TDRD6: variants seen among roughly 807,000 people sequenced by gnomAD.
The protein encoded by TDRD6 is tudor domain-containing protein 6.
Under a neutral mutation model 157.5 loss-of-function variants are expected in TDRD6, and 186 were observed. That is an observed-to-expected ratio of 1.18 (90% CI 1.05 to 1.33). The LOEUF is 1.33. Ranked by LOEUF, TDRD6 falls within the 40% of genes most tolerant of loss-of-function variation. The probability of loss-of-function intolerance (pLI) is 0.00; values close to 1 mark genes in which losing one functional copy is unlikely to be tolerated. For synonymous variants in TDRD6, 1,075 were observed against 945.2 expected, an observed-to-expected ratio of 1.14 and a Z score of -2.52; for missense variants, 3,066 against 2,508.0, an observed-to-expected ratio of 1.22 and a Z score of -4.75.
chr6:46,681,700 C>T, the TDRD6 span: 1 of 401,598 alleles, frequency 2.5e-6, no homozygotes. Context: ...TGCCTAATTG[C>T]TTGTTATCAC....
At chr6:46,684,365 T>TTG (rs56327636), upstream of TDRD6, among the ~76,000 whole-genome samples, 72,000 of 146,898 alleles carry the variant, frequency 0.49, 18,438 homozygotes, top group East Asian at 0.62. Flanking sequence ...AAGCACACAT[T>TTG]TGTGTGTGTG....
At chr6:46,694,391 C>T (rs1247959058) in intron 1 of TDRD6, among the ~76,000 whole-genome samples, 1 of 151,802 alleles carries the variant, frequency 6.6e-6, no homozygotes, top group Non-Finnish European at 1.5e-5. Flanking sequence ...TTTGTAGAGA[C>T]AGGGTTTGTC....
In TDRD6 at chr6:46,689,308, G is replaced by C. The variant is rs775261221; in HGVS notation, c.1180G>C (p.Gly394Arg). ...GAGAGGCTGGTCTCGGTCACAGGTC[G>C]GTGACCTGAAGACACTGATACTAGG... ...GGRGWSRSQV[G>R]DLKTLILGKA... The change falls in exon 1 of 4, where the codon GGT becomes CGT. Residue 394 changes from glycine (G) to arginine (R), a missense_variant. Coordinates refer to ENST00000316081, the MANE Select transcript of TDRD6 (RefSeq NM_001010870.3). The C allele has an allele frequency of 1.1e-5, 18 of 1,614,114 alleles. 1 individual carries two copies. The South Asian group carries it at 1.9e-4, about 17-fold the overall frequency.
chr6:46,697,195 T>C (rs1048968513), intron 2 of TDRD6, among the ~76,000 whole-genome samples: 4 of 152,184 alleles, frequency 2.6e-5, no homozygotes, highest in African/African-American at 9.7e-5. Context: ...TCTTTCGATA[T>C]ATTTAATATT....
At position 46,698,011 on chromosome 6, in the gene TDRD6, C is replaced by A; in HGVS notation, c.6185C>A (p.Ser2062Ter). Residue 2062 changes from serine (S) to a stop codon, truncating the protein, a stop_gained, in exon 3 of 4, where the codon TCA becomes TAA. Coordinates refer to ENST00000316081, the MANE Select transcript of TDRD6 (RefSeq NM_001010870.3). LOFTEE classifies it high-confidence loss of function. ...AEEGTRVLNL[S>*]NGMEEIVNPE... ...TTTCTCCTGTAGGTTTTGAACCTTT[C>A]AAATGGTATGGAGGAGATAGTGAAC... 1 of 1,595,242 alleles carries A rather than the reference C, an allele frequency of 6.3e-7. No homozygotes were observed. The highest frequency in any genetic ancestry group is 8.6e-7 in the Non-Finnish European group (1 of 1,169,024).
Position 46,688,503 on chromosome 6 carries a change from A to C in TDRD6, c.375A>C (p.Glu125Asp), listed in dbSNP as rs1213937219. 3 of 1,560,754 alleles carry C rather than the reference A, an allele frequency of 1.9e-6. No individual in the cohort carries two copies. Among genetic ancestry groups the C allele is most frequent in the East Asian group, 2.4e-5 (1 of 42,464 alleles). ...GRREFFNLPSEVLGCVLAGLV... is the reference protein window; with the variant it reads ...GRREFFNLPSDVLGCVLAGLV... ...GAGAGTTCTTCAATTTGCCCTCGGA[A>C]GTGCTGGGCTGCGTGCTAGCGGGCC... Residue 125 changes from glutamate (E) to aspartate (D), a missense_variant, in exon 1 of 4, where the codon GAA (glutamate) becomes GAC (aspartate). Glu to Asp is a conservative substitution (Grantham distance 45). Transcript: ENST00000316081.
Position 46,698,007 on chromosome 6 carries a change from C to G in TDRD6, c.6181C>G (p.Leu2061Val). The change falls in exon 3 of 4, where the codon CTT (leucine) becomes GTT (valine). Residue 2061 changes from leucine to valine, a missense_variant. Transcript: ENST00000316081. Reference sequence around the variant, plus strand: ...TTGTTTTCTCCTGTAGGTTTTGAACCTTTCAAATGGTATGGAGGAGATAGT... The same window carrying G: ...TTGTTTTCTCCTGTAGGTTTTGAACGTTTCAAATGGTATGGAGGAGATAGT... ...TAEEGTRVLN[L>V]SNGMEEIVNP... 4.4e-6 allele frequency: 7 copies of G among 1,590,804 alleles called. No homozygotes were observed. Among genetic ancestry groups the G allele is most frequent in the Non-Finnish European group, 6.0e-6 (7 of 1,166,742 alleles).
At chr6:46,680,516 C>T in the TDRD6 span, among the ~76,000 whole-genome samples, 1 of 152,130 alleles carries the variant, frequency 6.6e-6, no homozygotes, top group Non-Finnish European at 1.5e-5. Flanking sequence ...CCTTAAAGTA[C>T]AATACAGACT....
At chr6:46,700,674 A>C (rs899546943) in intron 3 of TDRD6, among the ~76,000 whole-genome samples, 2 of 152,156 alleles carry the variant, frequency 1.3e-5, no homozygotes, top group Non-Finnish European at 2.9e-5. Flanking sequence ...ACTGTGTTTG[A>C]ATAACAGCCC....
rs1176901979 is a variant in TDRD6, at chr6:46,691,641, A to G, written c.3513A>G (p.Glu1171=). The change falls in exon 1 of 4, where the codon GAA becomes GAG. Residue 1171 remains glutamate, a synonymous_variant. Transcript: ENST00000316081. ...YKDRIRKKES[E]VLCSTTETLE... ...ATAGAATAAGAAAAAAAGAAAGTGAAGTCCTCTGTTCTACAACTGAAACTC... is the reference window on the plus strand; with the variant it reads ...ATAGAATAAGAAAAAAAGAAAGTGAGGTCCTCTGTTCTACAACTGAAACTC... 5 of 1,613,160 alleles carry G rather than the reference A, an allele frequency of 3.1e-6. No individual in the cohort carries two copies. Among genetic ancestry groups the G allele is most frequent in the Middle Eastern group, 1.6e-4 (1 of 6,076 alleles).
In TDRD6 at chr6:46,693,233, G is replaced by C. The variant is rs1232193661; in HGVS notation, c.5105G>C (p.Gly1702Ala). 6.2e-7 allele frequency: 1 copy of C among 1,613,360 alleles called. No individual in the cohort carries two copies. Among genetic ancestry groups the C allele is most frequent in the Non-Finnish European group, 8.5e-7 (1 of 1,179,826 alleles). Reference protein sequence around the residue: ...NEKMEKYSKTGIKSALPYENI... With the variant: ...NEKMEKYSKTAIKSALPYENI... Reference sequence around the variant, plus strand: ...AAAATGGAGAAATATTCTAAGACTGGTATTAAAAGTGCTCTTCCCTATGAA... The same window carrying C: ...AAAATGGAGAAATATTCTAAGACTGCTATTAAAAGTGCTCTTCCCTATGAA... Residue 1702 changes from glycine (G) to alanine (A), a missense_variant, in exon 1 of 4, where the codon GGT becomes GCT. Gly to Ala is a moderately conservative substitution (Grantham distance 60, BLOSUM62 0). Transcript: ENST00000316081.
rs1764655696 is a variant in TDRD6 at position 46,702,819 on chromosome 6, GA to G, written c.*933del. The stretch of plus-strand genomic sequence containing the variant: ...GATCTGAGCTATATGCTGCTTAACA[GA>G]TATGTGACATGGGCAAATTATGTAA... On this transcript the variant is annotated 3_prime_UTR_variant, in exon 4 of 4. Transcript: ENST00000316081. 1 of 152,072 alleles carries G rather than the reference GA, an allele frequency of 6.6e-6. No homozygotes were observed. The highest frequency in any genetic ancestry group is 6.6e-5 in the Admixed American group (1 of 15,264). 9.4% of individuals were successfully genotyped at this position (152,072 alleles called of 1,614,324 possible). A position where few individuals can be genotyped will look rare whatever the true frequency, so the allele number is the denominator to read the frequency against.
intron 2 of TDRD6, among the ~76,000 whole-genome samples, chr6:46,696,643 ACTCT>A (rs1764512075): frequency 1.1e-5 from 1 of 93,036 alleles, no homozygotes; most frequent in South Asian, 4.6e-4. Flanking sequence ...ACAGGGTCTC[ACTCT>A]GTCACCCAGG....
Position 46,688,465 on chromosome 6 carries a change from G to A in TDRD6, c.337G>A (p.Ala113Thr). 1 of 1,544,534 alleles carries A rather than the reference G, an allele frequency of 6.5e-7. No homozygotes were observed. The highest frequency in any genetic ancestry group is 1.4e-5 in the African/African-American group (1 of 73,262). ...CATCACGGCCGGAGCAGGCTCGCTG[G>A]CGCCTGGGCGCAGAGAGTTCTTCAA... ...RTITAGAGSL[A>T]PGRREFFNLP... The change falls in exon 1 of 4, where the codon GCG becomes ACG. Residue 113 changes from alanine (A) to threonine (T), a missense_variant. By Grantham distance (58) the Ala-to-Thr change is moderately conservative (BLOSUM62 0). Coordinates refer to ENST00000316081, the MANE Select transcript of TDRD6 (RefSeq NM_001010870.3).
rs1037824920 is a variant in TDRD6 at position 46,696,051 on chromosome 6, T to C, written c.6171+106T>C. On this transcript the variant is annotated intron_variant, in intron 2 of 3. Transcript: ENST00000316081. The stretch of plus-strand genomic sequence containing the variant: ...GAACGCGATTGAACAAATGTTTACT[T>C]GCTTGTTCCCCCTGATAACTTGATG... 7 of 1,257,432 alleles carry C rather than the reference T, an allele frequency of 5.6e-6. No individual in the cohort carries two copies. In the African/African-American group the frequency reaches 1.1e-4, roughly 19 times the overall value. 77.9% of individuals were successfully genotyped at this position (1,257,432 alleles called of 1,614,324 possible). A position where few individuals can be genotyped will look rare whatever the true frequency, so the allele number is the denominator to read the frequency against.
chr6:46,693,522 G>A lies in TDRD6; in HGVS notation c.5394G>A (p.Glu1798=). ...IDTEELEGEL[E]CHLVDKAEFD... ...CTGAGGAACTGGAAGGTGAATTAGA[G>A]TGCCATCTGGTTGACAAAGCAGAGT... The change falls in exon 1 of 4, where the codon GAG becomes GAA. Residue 1798 remains glutamate, a synonymous_variant. Transcript: ENST00000316081. The A allele has an allele frequency of 6.2e-7, 1 of 1,613,866 alleles. No homozygotes were observed. Among genetic ancestry groups the A allele is most frequent in the South Asian group, 1.1e-5 (1 of 91,070 alleles).
chr6:46,697,173 C>T (rs1326858876), intron 2 of TDRD6, among the ~76,000 whole-genome samples: 1 of 152,064 alleles, frequency 6.6e-6, no homozygotes, highest in Non-Finnish European at 1.5e-5. Flanking sequence ...CTTACATATA[C>T]CATCTGCTTG....
rs964693835 is a variant in TDRD6, at chr6:46,702,620, T to C, written c.*733T>C. Reference sequence around the variant, plus strand: ...AACTTTGAAGTGCATATCAATATTATCCATATTTTATAGGTGAGAAAATTG... The same window carrying C: ...AACTTTGAAGTGCATATCAATATTACCCATATTTTATAGGTGAGAAAATTG... On this transcript the variant is annotated 3_prime_UTR_variant, in exon 4 of 4. Coordinates refer to ENST00000316081, the MANE Select transcript of TDRD6 (RefSeq NM_001010870.3). 1.1e-4 allele frequency: 17 copies of C among 152,130 alleles called. No homozygotes were observed. The highest frequency in any genetic ancestry group is 3.6e-4 in the African/African-American group (15 of 41,440). 9.4% of individuals were successfully genotyped at this position (152,130 alleles called of 1,614,324 possible).
Position 46,688,635 on chromosome 6 carries a change from C to G in TDRD6, c.507C>G (p.Cys169Trp). The change falls in exon 1 of 4, where the codon TGC (cysteine) becomes TGG (tryptophan). Residue 169 changes from cysteine to tryptophan, a missense_variant. Coordinates refer to ENST00000316081, the MANE Select transcript of TDRD6 (RefSeq NM_001010870.3). ...TTCAGGGCAAGGAGGTGCACGGGTG[C>G]GTCCTGGACGTGCTGCTGCTCCATC... The part of the protein sequence containing the change: ...SNLQGKEVHG[C>W]VLDVLLLHRL... 6.3e-7 allele frequency: 1 copy of G among 1,599,200 alleles called. No individual in the cohort carries two copies. The highest frequency in any genetic ancestry group is 8.5e-7 in the Non-Finnish European group (1 of 1,179,842).
Sources: gnomAD v4.1 joint callset for allele counts (sites outside exome capture counted in the v4.1 genomes callset) on GRCh38, gnomAD v4.1.1 for gene constraint, MANE v1.5 for transcripts, NCBI Gene and HGNC (gene_info 2026-07-23, HGNC 2026-07-21) for gene names.